Variants in ATR observed in about 807,000 individuals in gnomAD.
ATR encodes the protein serine/threonine-protein kinase ATR.
A neutral mutation model predicts 305.3 loss-of-function variants in ATR; 142 were observed. The observed-to-expected ratio is 0.47, with a 90% CI of 0.41 to 0.53. The LOEUF (loss-of-function observed/expected upper bound fraction) is 0.53. Ranked by LOEUF, ATR falls within the 20% of genes least tolerant of loss-of-function variation. The pLI is 0.00. For missense variants in ATR, 2,135 were observed against 3,133.1 expected, an observed-to-expected ratio of 0.68 and a Z score of 7.60; for synonymous variants, 1,050 against 1,068.1, an observed-to-expected ratio of 0.98 and a Z score of 0.33.
rs753568308 is a variant in ATR at position 142,538,492 on chromosome 3, T to G, written c.3715A>C (p.Ile1239Leu). The G allele has an allele frequency of 6.2e-7, 1 of 1,612,328 alleles. No homozygotes were observed. Among genetic ancestry groups the G allele is most frequent in the Non-Finnish European group, 8.5e-7 (1 of 1,178,768 alleles). ...ETAAIFHYLIIENRDAVQDFL... is the reference protein window; with the variant it reads ...ETAAIFHYLILENRDAVQDFL... The stretch of plus-strand genomic sequence containing the variant: ...TTTCAGTTACAATACCTGTTTTCAA[T>G]TATGAGGTAGTGGAAGATAGCTGCA... The change falls in exon 19 of 47, where the codon ATT becomes CTT. Residue 1239 changes from isoleucine (I) to leucine (L), a missense_variant. By Grantham distance (5) the Ile-to-Leu change is conservative (BLOSUM62 2). Coordinates refer to ENST00000350721, the MANE Select transcript of ATR (RefSeq NM_001184.4).
At chr3:142,473,922 C>T (rs1258797659) in intron 36 of ATR, among the ~76,000 whole-genome samples, 1 of 145,522 alleles carries the variant, frequency 6.9e-6, no homozygotes. Context: ...TTTTCTACTT[C>T]TGTGAAAAAA....
intron 21 of ATR, among the ~76,000 whole-genome samples, chr3:142,525,209 G>A (rs1337215574): frequency 4.6e-5 from 7 of 152,026 alleles, no homozygotes; most frequent in Non-Finnish European, 8.8e-5. Context: ...ATGTCCATAT[G>A]TACTTGGGTC....
At chr3:142,545,149 A>G (rs1256410084) in intron 16 of ATR, among the ~76,000 whole-genome samples, 1 of 152,096 alleles carries the variant, frequency 6.6e-6, no homozygotes, top group Non-Finnish European at 1.5e-5. Context: ...ACAGGTGTAC[A>G]AGATAAGCAG....
At chr3:142,546,019 C>A (rs549227858) in intron 16 of ATR, among the ~76,000 whole-genome samples, 9 of 152,154 alleles carry the variant, frequency 5.9e-5, no homozygotes, top group Non-Finnish European at 1.0e-4. Context: ...ATCCTCAGGT[C>A]CATTCTCTGC....
At chr3:142,451,213 G>T in intron 46 of ATR, 1 of 1,188,630 alleles carries the variant, frequency 8.4e-7, no homozygotes, top group South Asian at 1.7e-5. Flanking sequence ...AGTACCACCT[G>T]ATGCTGCACA....
At chr3:142,464,762 G>A (rs1177633791) in intron 41 of ATR, among the ~76,000 whole-genome samples, 1 of 152,142 alleles carries the variant, frequency 6.6e-6, no homozygotes, top group African/African-American at 2.4e-5. Context: ...TCCAATTTGG[G>A]AAGATGAAAA....
chr3:142,483,862 A>G (rs1007137418), intron 36 of ATR, among the ~76,000 whole-genome samples: 3 of 146,836 alleles, frequency 2.0e-5, no homozygotes, highest in African/African-American at 7.4e-5. Flanking sequence ...AAAATGAAAT[A>G]AAATAAAATA....
chr3:142,560,445 A>G lies in ATR; in HGVS notation c.1359T>C (p.His453=). 3 of 1,609,198 alleles carry G rather than the reference A, an allele frequency of 1.9e-6. No homozygotes were observed. The highest frequency in any genetic ancestry group is 2.6e-6 in the Non-Finnish European group (3 of 1,175,618). Reference sequence around the variant, plus strand: ...ATATGCTCTTTTGGTTCATGTCCACATGTTTAATTCTATAATTATGAATAT... The same window carrying G: ...ATATGCTCTTTTGGTTCATGTCCACGTGTTTAATTCTATAATTATGAATAT... ...RAPKQTEEIK[H]VDMNQKSILW... is the part of the protein sequence containing the mutation. The change falls in exon 6 of 47, where the codon CAT becomes CAC. Residue 453 remains histidine (H), a synonymous_variant. Transcript: ENST00000350721.
At chr3:142,566,846 T>A (rs990410838) in intron 2 of ATR, among the ~76,000 whole-genome samples, 2 of 151,732 alleles carry the variant, frequency 1.3e-5, no homozygotes, top group African/African-American at 4.8e-5. Flanking sequence ...GGGGTACAAG[T>A]GATTCTTCTG....
At chr3:142,577,232 A>ACT (rs2035469054) in intron 1 of ATR, among the ~76,000 whole-genome samples, 1 of 152,178 alleles carries the variant, frequency 6.6e-6, no homozygotes, top group African/African-American at 2.4e-5. Context: ...GGTAACATAA[A>ACT]CTCTACTGAT....
intron 33 of ATR, 35 bp from the exon 34 acceptor site, chr3:142,496,555 C>G (rs1291080137): frequency 6.3e-7 from 1 of 1,591,248 alleles, no homozygotes; most frequent in African/African-American, 1.3e-5. Context: ...TGAGAGAGAC[C>G]ATTGGTAAGT....
chr3:142,475,636 T>C (rs550458579), intron 36 of ATR, among the ~76,000 whole-genome samples: 1 of 152,320 alleles, frequency 6.6e-6, no homozygotes, highest in African/African-American at 2.4e-5. Flanking sequence ...CTAGGTCAAA[T>C]GGTATTTCTA....
chr3:142,526,545 A>T (rs1260577162), intron 21 of ATR, among the ~76,000 whole-genome samples: 4 of 151,962 alleles, frequency 2.6e-5, no homozygotes, highest in Non-Finnish European at 5.9e-5. Context: ...ATATATAAAC[A>T]TGCATACATA....
rs1261563603 is a variant in ATR at position 142,479,000 on chromosome 3, G to A, written c.6221+6140C>T. Among the ~76,000 whole-genome samples, 3 of 152,214 alleles carry A rather than the reference G, an allele frequency of 2.0e-5. No homozygotes were observed. The South Asian group carries it at 6.2e-4, about 32-fold the overall frequency. On this transcript the variant is annotated intron_variant, in intron 36 of 46. Coordinates refer to ENST00000350721, the MANE Select transcript of ATR (RefSeq NM_001184.4). The stretch of plus-strand genomic sequence containing the variant: ...ATGTGTGTCTCTGCACGTGAGATGG[G>A]TCTCCTGAATACAGCACACTGATGG...
intron 25 of ATR, among the ~76,000 whole-genome samples, chr3:142,515,061 T>C (rs2032799763): frequency 6.6e-6 from 1 of 152,082 alleles, no homozygotes; most frequent in African/African-American, 2.4e-5. Context: ...TATCTCTTTA[T>C]TGAATGTCTT....
intron 13 of ATR, among the ~76,000 whole-genome samples, chr3:142,552,481 C>T (rs1346701473): frequency 1.3e-5 from 2 of 151,886 alleles, no homozygotes; most frequent in Non-Finnish European, 2.9e-5. Context: ...ACCAACTTGG[C>T]CAACATGGTG....
chr3:142,510,341 C>T (rs989562504), intron 27 of ATR, among the ~76,000 whole-genome samples: 4 of 151,684 alleles, frequency 2.6e-5, no homozygotes, highest in African/African-American at 9.7e-5. Flanking sequence ...ACTAAAAGTA[C>T]AAAATATTAG....
Position 142,512,435 on chromosome 3 carries a change from G to A in ATR, c.4677C>T (p.Asp1559=), listed in dbSNP as rs112726878. Residue 1559 remains aspartate (D), a synonymous_variant, in exon 27 of 47, where the codon GAC becomes GAT. Coordinates refer to ENST00000350721, the MANE Select transcript of ATR (RefSeq NM_001184.4). ...YAEIMAVLKH[D]DQHTINTQDI... ...CTTGGGTATTTATGGTATGCTGATC[G>A]TCATGCTTTAGAACTGCCATAATTT... 2.3e-4 allele frequency: 379 copies of A among 1,613,276 alleles called. No homozygotes were observed. The highest frequency in any genetic ancestry group is 1.7e-3 in the African/African-American group (125 of 74,994).
At chr3:142,539,288 A>G (rs980765103) in intron 18 of ATR, among the ~76,000 whole-genome samples, 1 of 152,124 alleles carries the variant, frequency 6.6e-6, no homozygotes, top group African/African-American at 2.4e-5. Context: ...TGAAGAAATC[A>G]CTAATTTTGA....
Sources: gnomAD v4.1 joint callset for allele counts (sites outside exome capture counted in the v4.1 genomes callset) on GRCh38, gnomAD v4.1.1 for gene constraint, MANE v1.5 for transcripts, NCBI Gene and HGNC (gene_info 2026-07-23, HGNC 2026-07-21) for gene names.